The following FREM1 variants were observed in gnomAD, a reference collection of about 807,000 sequenced individuals.
The protein encoded by FREM1 is FRAS1-related extracellular matrix protein 1.
Under a neutral mutation model 210.1 loss-of-function variants are expected in FREM1, and 220 were observed. The ratio of observed to expected loss-of-function variants is 1.05; its 90% CI spans 0.94 to 1.17. FREM1 has a LOEUF of 1.17. Among genes scored for constraint, FREM1 ranks in the 50% most tolerant of loss-of-function variants. The probability of loss-of-function intolerance (pLI) is 0.00; values close to 1 mark genes in which losing one functional copy is unlikely to be tolerated. For missense variants in FREM1, 3,454 were observed against 2,675.5 expected, an observed-to-expected ratio of 1.29 and a Z score of -6.42; for synonymous variants, 1,189 against 980.2, an observed-to-expected ratio of 1.21 and a Z score of -3.98.
intron 24 of FREM1, among the ~76,000 whole-genome samples, chr9:14,777,173 A>T (rs1467600972): frequency 6.6e-6 from 1 of 152,250 alleles, no homozygotes; most frequent in African/African-American, 2.4e-5. Flanking sequence ...ATTTGAGACA[A>T]GCAAAATCTT....
chr9:14,800,230 T>C (rs2133259501), intron 20 of FREM1, among the ~76,000 whole-genome samples: 1 of 151,942 alleles, frequency 6.6e-6, no homozygotes, highest in African/African-American at 2.4e-5. Flanking sequence ...TTGGAGACCT[T>C]GGGTGGGGCT....
At position 14,803,145 on chromosome 9, in the gene FREM1, C is replaced by T. The variant is rs978732887; in HGVS notation, c.3472-1271G>A. Among the ~76,000 whole-genome samples the T allele has an allele frequency of 6.6e-4, 76 of 115,372 alleles. 1 individual carries two copies. Among genetic ancestry groups the T allele is most frequent in the African/African-American group, 2.3e-3 (70 of 30,344 alleles). 75.7% of individuals were successfully genotyped at this position (115,372 alleles called of 152,430 possible). A position where few individuals can be genotyped will look rare whatever the true frequency, so the allele number is the denominator to read the frequency against. ...CTTTTCCTTTCCCTTTCTCCCTTTT[C>T]CCCTTCCTTCCTTCATCTTTCTTTC... On this transcript the variant is annotated intron_variant, in intron 19 of 36. Transcript: ENST00000380880.
rs568404026 is a variant in FREM1 at position 14,859,213 on chromosome 9, C to A, written c.601G>T (p.Asp201Tyr). 8.1e-6 allele frequency: 13 copies of A among 1,597,358 alleles called. No individual in the cohort carries two copies. In the South Asian group the frequency reaches 1.5e-4, roughly 18 times the overall value. The change falls in exon 4 of 37, where the codon GAT becomes TAT. Residue 201 changes from aspartate (D) to tyrosine (Y), a missense_variant. Asp to Tyr is a radical substitution (Grantham distance 160). Coordinates refer to ENST00000380880, the MANE Select transcript of FREM1 (RefSeq NM_001379081.2). ...TCTGGGAAAAAACTGTGTGGCTGAT[C>A]TCCACGAGGTTCTTCTGGTCGAGGC... is the stretch of plus-strand genomic sequence containing the variant. ...GEPRPEEPRGDQPHSFFPESQ... is the reference protein window; with the variant it reads ...GEPRPEEPRGYQPHSFFPESQ...
At chr9:14,853,536 C>T (rs1324159595) in intron 5 of FREM1, among the ~76,000 whole-genome samples, 3 of 152,188 alleles carry the variant, frequency 2.0e-5, no homozygotes, top group African/African-American at 4.8e-5. Flanking sequence ...CAGCTTGAGA[C>T]ATCTACCAGG....
rs372608112 is a variant in FREM1, at chr9:14,748,541, T to C, written c.5656A>G (p.Thr1886Ala). ...CTTTCCAGATGAAAGGAACCAGAAG[T>C]GGTGGATGAGGAAGACCCTGGGGGC... ...LLPPGSSSST[T>A]SGSFHLERRP... is the part of the protein sequence containing the mutation. The change falls in exon 31 of 37, where the codon ACT (threonine) becomes GCT (alanine). Residue 1886 changes from threonine (T) to alanine (A), a missense_variant. Thr to Ala is a moderately conservative substitution (Grantham distance 58). Transcript: ENST00000380880. 1.2e-6 allele frequency: 2 copies of C among 1,613,708 alleles called. No individual in the cohort carries two copies. The highest frequency in any genetic ancestry group is 2.2e-5 in the East Asian group (1 of 44,870).
Position 14,792,802 on chromosome 9 carries a change from T to C in FREM1, c.3922A>G (p.Arg1308Gly). Residue 1308 changes from arginine to glycine, a missense_variant, in exon 22 of 37, where the codon AGG becomes GGG. Coordinates refer to ENST00000380880, the MANE Select transcript of FREM1 (RefSeq NM_001379081.2). Reference protein sequence around the residue: ...ILSAIDEDSPREKIYYVFERL... With the variant: ...ILSAIDEDSPGEKIYYVFERL... ...TCAAATACATAGTAAATCTTCTCCC[T>C]GGGTGAGTCTTCATCTATGGCTGAA... 1 of 1,607,400 alleles carries C rather than the reference T, an allele frequency of 6.2e-7. No homozygotes were observed. The highest frequency in any genetic ancestry group is 8.5e-7 in the Non-Finnish European group (1 of 1,176,248).
chr9:14,868,887 C>T lies in FREM1; in HGVS notation c.91G>A (p.Gly31Arg), dbSNP rs766093964. Residue 31 changes from glycine to arginine, a missense_variant, in exon 2 of 37, where the codon GGG (glycine) becomes AGG (arginine). Gly to Arg is a moderately radical substitution (Grantham distance 125). Transcript: ENST00000380880. ...GAGTGGCCCTTCATCACCCTCACCCCGCGGTTGATGCTGATGAAGGTGGGG... is the reference window on the plus strand; with the variant it reads ...GAGTGGCCCTTCATCACCCTCACCCTGCGGTTGATGCTGATGAAGGTGGGG... ...ASPTFISINR[G>R]VRVMKGHSAF... The T allele has an allele frequency of 5.0e-6, 8 of 1,606,894 alleles. No individual in the cohort carries two copies. Among genetic ancestry groups the T allele is most frequent in the Non-Finnish European group, 6.8e-6 (8 of 1,176,836 alleles).
chr9:14,769,815 G>C lies in FREM1; in HGVS notation c.5113C>G (p.Leu1705Val). The part of the protein sequence containing the change: ...SQKDLNSKTI[L>V]YIINPSLEVN... Reference sequence around the variant, plus strand: ...TCCAAAGATGGGTTTATGATGTAAAGAATAGTCTTACTGTTTAAGTCCTTT... The same window carrying C: ...TCCAAAGATGGGTTTATGATGTAAACAATAGTCTTACTGTTTAAGTCCTTT... The change falls in exon 27 of 37, where the codon CTT becomes GTT. Residue 1705 changes from leucine (L) to valine (V), a missense_variant. Transcript: ENST00000380880. 6.2e-7 allele frequency: 1 copy of C among 1,607,150 alleles called. No individual in the cohort carries two copies. Among genetic ancestry groups the C allele is most frequent in the Non-Finnish European group, 8.5e-7 (1 of 1,174,968 alleles).
At chr9:14,855,369 A>G (rs1323865828) in intron 5 of FREM1, among the ~76,000 whole-genome samples, 1 of 152,176 alleles carries the variant, frequency 6.6e-6, no homozygotes, top group African/African-American at 2.4e-5. Flanking sequence ...ATTTCATCAT[A>G]TAATAAAATT....
At chr9:14,860,300 G>C (rs1191963445) in intron 3 of FREM1, among the ~76,000 whole-genome samples, 2 of 151,808 alleles carry the variant, frequency 1.3e-5, no homozygotes, top group Non-Finnish European at 2.9e-5. Context: ...CAGTAAGAGG[G>C]GAACAAACAT....
chr9:14,753,280 A>G (rs1192895316), intron 29 of FREM1, among the ~76,000 whole-genome samples: 2 of 152,178 alleles, frequency 1.3e-5, no homozygotes, highest in African/African-American at 4.8e-5. Context: ...AGATTTCTCT[A>G]TTGAAAGACA....
At chr9:14,835,580 C>G (rs1588262058) in intron 10 of FREM1, among the ~76,000 whole-genome samples, 1 of 152,174 alleles carries the variant, frequency 6.6e-6, no homozygotes, top group East Asian at 1.9e-4. Flanking sequence ...TCTAATAGGT[C>G]TGGAAGCTAT....
chr9:14,834,504 T>G (rs10124389), intron 10 of FREM1, among the ~76,000 whole-genome samples: 25,968 of 152,162 alleles, frequency 0.17, 2,265 homozygotes, highest in African/African-American at 0.21. Context: ...ACAAATAAAC[T>G]AATGCAAGGG....
At chr9:14,907,835 CAG>C (rs1818045366) in intron 1 of FREM1, among the ~76,000 whole-genome samples, 1 of 152,164 alleles carries the variant, frequency 6.6e-6, no homozygotes, top group African/African-American at 2.4e-5. Flanking sequence ...GTCAGAATAT[CAG>C]AGCTAGGAAG....
intron 34 of FREM1, 97 bp from the exon 35 acceptor site, chr9:14,746,565 G>T: frequency 1.1e-6 from 1 of 926,696 alleles, no homozygotes; most frequent in South Asian, 1.4e-5. Flanking sequence ...CTTCAGTCAA[G>T]TAGTTTGGTT....
chr9:14,884,915 C>CTTTTTTTT (rs745465527), intron 1 of FREM1, among the ~76,000 whole-genome samples: 7 of 70,406 alleles, frequency 9.9e-5, no homozygotes, highest in South Asian at 6.2e-4. Context: ...TTCATCATAG[C>CTTTTTTTT]TTTTTTTTTT....
At position 14,846,007 on chromosome 9, in the gene FREM1, C is replaced by T. The variant is rs372605715; in HGVS notation, c.1346G>A (p.Arg449Gln). ...VVDNDDIGAV[R>Q]LVTVGGLQHG... is the part of the protein sequence containing the mutation. The stretch of plus-strand genomic sequence containing the variant: ...CTGCAGGCCACCAACGGTGACTAGC[C>T]GGACAGCACCAATGTCGTCATTGTC... The change falls in exon 8 of 37, where the codon CGG (arginine) becomes CAG (glutamine). Residue 449 changes from arginine (R) to glutamine (Q), a missense_variant. Physicochemically the swap from Arg to Gln is conservative, Grantham distance 43. Coordinates refer to ENST00000380880, the MANE Select transcript of FREM1 (RefSeq NM_001379081.2). 85 of 1,612,888 alleles carry T rather than the reference C, an allele frequency of 5.3e-5. No individual in the cohort carries two copies. Among genetic ancestry groups the T allele is most frequent in the Admixed American group, 1.0e-4 (6 of 59,898 alleles).
chr9:14,759,979 G>T (rs1346459824), intron 27 of FREM1, 78 bp from the exon 28 acceptor site: 2 of 1,203,374 alleles, frequency 1.7e-6, no homozygotes, highest in Non-Finnish European at 2.3e-6. Context: ...GCGGACTAGT[G>T]GAAAAACGTG....
intron 12 of FREM1, 33 bp downstream of exon 12, chr9:14,823,992 C>T (rs781269928): frequency 1.5e-6 from 2 of 1,378,954 alleles, no homozygotes; most frequent in East Asian, 4.8e-5. Flanking sequence ...ACACTTGCAT[C>T]ATGTTTGTCA....
Sources: gnomAD v4.1 joint callset for allele counts (sites outside exome capture counted in the v4.1 genomes callset) on GRCh38, gnomAD v4.1.1 for gene constraint, MANE v1.5 for transcripts, NCBI Gene and HGNC (gene_info 2026-07-23, HGNC 2026-07-21) for gene names.